Variants in MYCBP2 observed in about 807,000 individuals in gnomAD.
The protein encoded by MYCBP2 is E3 ubiquitin-protein ligase MYCBP2.
Under a neutral mutation model 525.3 loss-of-function variants are expected in MYCBP2, and 120 were observed. The observed-to-expected ratio is 0.23, with a 90% CI of 0.20 to 0.27. The LOEUF (loss-of-function observed/expected upper bound fraction) is 0.27. Among genes scored for constraint, MYCBP2 ranks in the 10% least tolerant of loss-of-function variants. MYCBP2 has a pLI of 1.00. For missense variants in MYCBP2, 4,149 were observed against 5,657.1 expected, an observed-to-expected ratio of 0.73 and a Z score of 8.55; for synonymous variants, 1,894 against 1,955.8, an observed-to-expected ratio of 0.97 and a Z score of 0.83.
chr13:77,181,864 G>T lies in MYCBP2; in HGVS notation c.4778C>A (p.Ser1593Ter). 1 of 1,614,024 alleles carries T rather than the reference G, an allele frequency of 6.2e-7. No homozygotes were observed. Among genetic ancestry groups the T allele is most frequent in the South Asian group, 1.1e-5 (1 of 91,070 alleles). ...CTTAACAGACGTGTGACACAGAGCT[G>T]ACATAACAGCTGCAAGGAGTCGGCT... ...SSSRLLAAVM[S>*]ALCHTSVKLT... The change falls in exon 33 of 83, where the codon TCA becomes TAA. Residue 1593 changes from serine to a stop codon, truncating the protein, a stop_gained. Coordinates refer to ENST00000544440, the MANE Select transcript of MYCBP2 (RefSeq NM_015057.5). LOFTEE classifies it high-confidence loss of function.
intron 80 of MYCBP2, among the ~76,000 whole-genome samples, chr13:77,052,342 G>A (rs2036999620): frequency 6.6e-6 from 1 of 152,094 alleles, no homozygotes; most frequent in Non-Finnish European, 1.5e-5. Flanking sequence ...AGGATCATAG[G>A]TGCACGCCAC....
At chr13:77,108,495 T>C (rs770200340) in intron 55 of MYCBP2, among the ~76,000 whole-genome samples, 32 of 152,116 alleles carry the variant, frequency 2.1e-4, no homozygotes, top group Non-Finnish European at 4.1e-4. Flanking sequence ...AAAGTAAAAA[T>C]CTTACTCCCA....
At position 77,065,997 on chromosome 13, in the gene MYCBP2, C is replaced by T. The variant is rs376996843; in HGVS notation, c.12547G>A (p.Ala4183Thr). 1 of 1,610,434 alleles carries T rather than the reference C, an allele frequency of 6.2e-7. No individual in the cohort carries two copies. Among genetic ancestry groups the T allele is most frequent in the Admixed American group, 1.7e-5 (1 of 59,694 alleles). Residue 4183 changes from alanine to threonine, a missense_variant, in exon 72 of 83, where the codon GCA becomes ACA. By Grantham distance (58) the Ala-to-Thr change is moderately conservative. Around this residue, in one of 21 missense-constraint regions of MYCBP2, gnomAD observed 148 missense variants for 179.4 expected, o/e 0.82. Transcript: ENST00000544440. Reference sequence around the variant, plus strand: ...ACAGAAGAATGGGAACTTACTGCTGCCATATCCTTGATAAGTTTAATGATG... The same window carrying T: ...ACAGAAGAATGGGAACTTACTGCTGTCATATCCTTGATAAGTTTAATGATG... ...EIIIKLIKDM[A>T]AGHLSEAWSR...
chr13:77,146,223 A>T lies in MYCBP2; in HGVS notation c.7132-6T>A. 3 of 1,583,516 alleles carry T rather than the reference A, an allele frequency of 1.9e-6. No individual in the cohort carries two copies. Among genetic ancestry groups the T allele is most frequent in the Non-Finnish European group, 1.7e-6 (2 of 1,161,686 alleles). ...AATGAATAATTTTCATAAACCTTTA[A>T]GAAAGAGACCAGTCTGAACAATCGT... is the stretch of plus-strand genomic sequence containing the variant. On this transcript the variant is annotated splice_polypyrimidine_tract_variant and splice_region_variant and intron_variant, in intron 47 of 82. Coordinates refer to ENST00000544440, the MANE Select transcript of MYCBP2 (RefSeq NM_015057.5).
intron 34 of MYCBP2, among the ~76,000 whole-genome samples, chr13:77,178,317 C>T (rs1042328602): frequency 1.3e-5 from 2 of 152,186 alleles, no homozygotes; most frequent in East Asian, 3.8e-4. Flanking sequence ...AGTTTTCAAA[C>T]TATGCAACAC....
chr13:77,119,046 C>A (rs1164507687), intron 55 of MYCBP2, among the ~76,000 whole-genome samples: 1 of 151,840 alleles, frequency 6.6e-6, no homozygotes, highest in East Asian at 1.9e-4. Context: ...TTGTTACTGC[C>A]AAAGAAATTC....
At chr13:77,045,756 A>G (rs1325050543) in intron 82 of MYCBP2, among the ~76,000 whole-genome samples, 1 of 152,234 alleles carries the variant, frequency 6.6e-6, no homozygotes, top group East Asian at 1.9e-4. Flanking sequence ...ACTTCGAGCT[A>G]CAGATCTTTT....
intron 55 of MYCBP2, among the ~76,000 whole-genome samples, chr13:77,107,985 G>T (rs2048109155): frequency 6.6e-6 from 1 of 152,002 alleles, no homozygotes; most frequent in Non-Finnish European, 1.5e-5. Context: ...TATACTAAAA[G>T]AATTAGACTA....
chr13:77,217,905 C>T lies in MYCBP2; in HGVS notation c.2992G>A (p.Ala998Thr). 1 of 1,611,702 alleles carries T rather than the reference C, an allele frequency of 6.2e-7. No individual in the cohort carries two copies. The highest frequency in any genetic ancestry group is 8.5e-7 in the Non-Finnish European group (1 of 1,178,904). Residue 998 changes from alanine (A) to threonine (T), a missense_variant, in exon 21 of 83, where the codon GCA becomes ACA. Coordinates refer to ENST00000544440, the MANE Select transcript of MYCBP2 (RefSeq NM_015057.5). ...ALPGPSTQVT[A>T]GSNHTAVLLM... ...AGTACTGCCGTATGGTTGCTGCCTGCAGTGACTTGTGTGCTAGGGCCTGGC... is the reference window on the plus strand; with the variant it reads ...AGTACTGCCGTATGGTTGCTGCCTGTAGTGACTTGTGTGCTAGGGCCTGGC...
intron 4 of MYCBP2, among the ~76,000 whole-genome samples, chr13:77,274,228 T>G (rs7981603): frequency 0.99 from 151,476 of 152,262 alleles, 75,351 homozygotes; most frequent in Middle Eastern, 1. Context: ...TTGAGATATG[T>G]GGTATCAAAA....
intron 44 of MYCBP2, 142 bp downstream of exon 44, chr13:77,161,764 G>A (rs1347049617): frequency 8.3e-6 from 5 of 603,584 alleles, no homozygotes; most frequent in Non-Finnish European, 1.4e-5. Context: ...GCAATGATAA[G>A]TTATTTATCT....
chr13:77,073,776 T>C (rs939738733), intron 68 of MYCBP2, among the ~76,000 whole-genome samples: 2 of 152,174 alleles, frequency 1.3e-5, no homozygotes, highest in African/African-American at 4.8e-5. Context: ...AAATACCATT[T>C]ACAATAGCTT....
At chr13:77,310,360 G>T (rs1345445406) in intron 1 of MYCBP2, among the ~76,000 whole-genome samples, 1 of 151,942 alleles carries the variant, frequency 6.6e-6, no homozygotes, top group African/African-American at 2.4e-5. Flanking sequence ...CCTACTCAGG[G>T]GTCAGCAAAC....
chr13:77,052,854 C>G (rs2037114947), intron 80 of MYCBP2, among the ~76,000 whole-genome samples: 1 of 152,142 alleles, frequency 6.6e-6, no homozygotes, highest in South Asian at 2.1e-4. Context: ...GCCGGCTGGG[C>G]ATGGTGGCTC....
At chr13:77,185,616 A>C (rs1288362727) in intron 31 of MYCBP2, among the ~76,000 whole-genome samples, 1 of 152,198 alleles carries the variant, frequency 6.6e-6, no homozygotes, top group African/African-American at 2.4e-5. Context: ...TATTTGACAG[A>C]ATTTGTTTAA....
intron 17 of MYCBP2, among the ~76,000 whole-genome samples, chr13:77,236,062 G>A (rs2067875853): frequency 6.6e-6 from 1 of 152,182 alleles, no homozygotes; most frequent in Admixed American, 6.5e-5. Context: ...GAATATTCTG[G>A]AAAGAAGGTG....
intron 10 of MYCBP2, among the ~76,000 whole-genome samples, chr13:77,263,216 T>C (rs1359495350): frequency 1.3e-5 from 2 of 152,038 alleles, no homozygotes; most frequent in African/African-American, 4.8e-5. Flanking sequence ...TATAGTTACC[T>C]TGAAAATCTA....
intron 32 of MYCBP2, among the ~76,000 whole-genome samples, chr13:77,184,509 C>G (rs2060545094): frequency 6.6e-6 from 1 of 152,196 alleles, no homozygotes; most frequent in East Asian, 1.9e-4. Context: ...AATGTCAGAT[C>G]AAGATGGTTG....
At chr13:77,319,274 C>A (rs1276016866) in intron 1 of MYCBP2, among the ~76,000 whole-genome samples, 1 of 152,092 alleles carries the variant, frequency 6.6e-6, no homozygotes, top group Non-Finnish European at 1.5e-5. Context: ...CTGCAAGCAA[C>A]CCCTCTAGCT....
Sources: gnomAD v4.1 joint callset for allele counts (sites outside exome capture counted in the v4.1 genomes callset) on GRCh38, gnomAD v4.1.1 for gene constraint, gnomAD v4.1.1 regional missense constraint, MANE v1.5 for transcripts, NCBI Gene and HGNC (gene_info 2026-07-23, HGNC 2026-07-21) for gene names.